The following CADM2 variants were observed in gnomAD, a reference collection of about 807,000 sequenced individuals.
CADM2 encodes immunoglobulin superfamily member 4D.
CADM2 carries 12 observed loss-of-function variants against 49.8 expected under a neutral mutation model. The ratio of observed to expected loss-of-function variants is 0.24; its 90% CI spans 0.15 to 0.39. CADM2 has a LOEUF of 0.39. Among genes scored for constraint, CADM2 ranks in the 10% least tolerant of loss-of-function variants. The probability of loss-of-function intolerance (pLI) is 1.00; values close to 1 mark genes in which losing one functional copy is unlikely to be tolerated. For missense variants in CADM2, 378 were observed against 492.3 expected, an observed-to-expected ratio of 0.77 and a Z score of 2.20; for synonymous variants, 214 against 175.4, an observed-to-expected ratio of 1.22 and a Z score of -1.74.
At chr3:85,435,167 C>A (rs1159893183) in intron 1 of CADM2, among the ~76,000 whole-genome samples, 1 of 152,128 alleles carries the variant, frequency 6.6e-6, no homozygotes, top group Non-Finnish European at 1.5e-5. Context: ...TATCCCTCCC[C>A]TACCCACACA....
intron 1 of CADM2, among the ~76,000 whole-genome samples, chr3:85,245,490 G>T (rs540959387): frequency 1.3e-3 from 196 of 150,274 alleles, no homozygotes; most frequent in African/African-American, 4.3e-3. Context: ...CCAGCCTGGC[G>T]ACAGATTGAG....
intron 2 of CADM2, among the ~76,000 whole-genome samples, chr3:85,801,561 CCTTT>C (rs1307891572): frequency 6.6e-6 from 1 of 152,004 alleles, no homozygotes; most frequent in African/African-American, 2.4e-5. Context: ...TTTTTTATTT[CCTTT>C]ATCAGAAATT....
chr3:86,060,253 A>G (rs1395634884), intron 8 of CADM2, among the ~76,000 whole-genome samples: 1 of 151,972 alleles, frequency 6.6e-6, no homozygotes, highest in South Asian at 2.1e-4. Flanking sequence ...AAAATGGCCT[A>G]TATATATAAT....
chr3:85,868,028 T>C (rs1257587915), intron 3 of CADM2, among the ~76,000 whole-genome samples: 2 of 152,050 alleles, frequency 1.3e-5, no homozygotes, highest in Non-Finnish European at 2.9e-5. Flanking sequence ...ACCAACAATA[T>C]AATTTGTGAT....
chr3:85,532,919 C>T (rs570278148), intron 1 of CADM2, among the ~76,000 whole-genome samples: 1 of 152,146 alleles, frequency 6.6e-6, no homozygotes, highest in African/African-American at 2.4e-5. Context: ...AAACCAAATA[C>T]CACATGTTCT....
At chr3:85,630,539 A>C (rs930594685) in intron 1 of CADM2, among the ~76,000 whole-genome samples, 1 of 152,078 alleles carries the variant, frequency 6.6e-6, no homozygotes, top group African/African-American at 2.4e-5. Context: ...GTATATCCTC[A>C]GGTTCCATCC....
At chr3:86,006,839 G>A (rs550031415) in intron 8 of CADM2, among the ~76,000 whole-genome samples, 242 of 152,010 alleles carry the variant, frequency 1.6e-3, no homozygotes, top group Non-Finnish European at 2.2e-3. Flanking sequence ...TCAGGAGTTC[G>A]AGACAAGCCT....
chr3:85,596,342 A>G (rs926304331), intron 1 of CADM2, among the ~76,000 whole-genome samples: 11 of 152,014 alleles, frequency 7.2e-5, no homozygotes, highest in African/African-American at 2.7e-4. Flanking sequence ...TAAATGAAAA[A>G]ATGTTATAGT....
intron 1 of CADM2, among the ~76,000 whole-genome samples, chr3:85,343,118 C>G (rs562979064): frequency 1.3e-5 from 2 of 152,280 alleles, no homozygotes; most frequent in South Asian, 4.1e-4. Flanking sequence ...ATGCTACTGA[C>G]ATCTAGTGGG....
At chr3:85,309,589 T>C (rs2044294913) in intron 1 of CADM2, among the ~76,000 whole-genome samples, 1 of 152,168 alleles carries the variant, frequency 6.6e-6, no homozygotes, top group Non-Finnish European at 1.5e-5. Flanking sequence ...TTCATTGCTA[T>C]TTTTGCCTTT....
intron 1 of CADM2, among the ~76,000 whole-genome samples, chr3:85,425,841 C>T (rs147221817): frequency 0.021 from 3,203 of 152,210 alleles, 144 homozygotes; most frequent in East Asian, 0.15. Flanking sequence ...GGGAGCCCAC[C>T]ATATTTATTG....
chr3:85,343,599 A>G (rs1328812134), intron 1 of CADM2, among the ~76,000 whole-genome samples: 1 of 152,208 alleles, frequency 6.6e-6, no homozygotes, highest in African/African-American at 2.4e-5. Flanking sequence ...CTCTGTTTCT[A>G]TTCTGCTTCA....
At chr3:85,018,497 G>A (rs1242458093) in intron 1 of CADM2, among the ~76,000 whole-genome samples, 2 of 152,010 alleles carry the variant, frequency 1.3e-5, no homozygotes, top group Non-Finnish European at 2.9e-5. Flanking sequence ...CATGCCTCAG[G>A]CGCCCGCCAC....
Position 85,379,231 on chromosome 3 carries a change from A to C in CADM2, c.62-347291A>C, listed in dbSNP as rs1009536410. ...GCTTAAGTGTTTCCAAGTAGAAAAC[A>C]TGACAGCTAAAAATTATACTGAAAT... On this transcript the variant is annotated intron_variant, in intron 1 of 9. Transcript: ENST00000383699. 2.0e-5 allele frequency among the ~76,000 whole-genome samples: 3 copies of C among 152,022 alleles called. No individual in the cohort carries two copies. In the East Asian group the frequency reaches 5.8e-4, roughly 29 times the overall value.
chr3:85,395,093 T>A (rs2107412396), intron 1 of CADM2, among the ~76,000 whole-genome samples: 1 of 151,726 alleles, frequency 6.6e-6, no homozygotes, highest in Non-Finnish European at 1.5e-5. Context: ...AATGCACGCC[T>A]GGGATACATA....
chr3:85,997,676 GA>G (rs1443777896), intron 8 of CADM2, among the ~76,000 whole-genome samples: 6 of 152,238 alleles, frequency 3.9e-5, no homozygotes, highest in African/African-American at 1.4e-4. Context: ...ATAAAATAGG[GA>G]AAAGATGATG....
At chr3:85,320,352 C>T (rs1441072100) in intron 1 of CADM2, among the ~76,000 whole-genome samples, 1 of 152,068 alleles carries the variant, frequency 6.6e-6, no homozygotes, top group Non-Finnish European at 1.5e-5. Context: ...AGAGCATAAA[C>T]CTAAAATATG....
At chr3:86,029,157 G>T (rs945099663) in intron 8 of CADM2, among the ~76,000 whole-genome samples, 1 of 152,148 alleles carries the variant, frequency 6.6e-6, no homozygotes, top group African/African-American at 2.4e-5. Flanking sequence ...TAAATGCCAG[G>T]CTGAGAAGTG....
intron 6 of CADM2, among the ~76,000 whole-genome samples, chr3:85,928,158 ATTTTTTT>A (rs11328574): frequency 7.7e-6 from 1 of 130,638 alleles, no homozygotes; most frequent in African/African-American, 2.8e-5. Context: ...TAAAAGAAGA[ATTTTTTT>A]TTTTTTTTTT....
Sources: allele counts gnomAD v4.1 joint callset (sites outside exome capture counted in the v4.1 genomes callset), GRCh38; gene constraint gnomAD v4.1.1; transcripts MANE v1.5; gene names NCBI Gene and HGNC (gene_info 2026-07-23, HGNC 2026-07-21).